The following EDN1 variants were observed in gnomAD, a reference collection of about 807,000 sequenced individuals.
The protein encoded by EDN1 is endothelin-1.
Under a neutral mutation model 21.7 loss-of-function variants are expected in EDN1, and 11 were observed. The observed-to-expected ratio is 0.51, with a 90% CI of 0.32 to 0.84. EDN1 has a LOEUF of 0.84. Among genes scored for constraint, EDN1 ranks in the 40% least tolerant of loss-of-function variants. EDN1 has a pLI of 0.03. For missense variants in EDN1, 244 were observed against 262.3 expected (o/e 0.93, Z 0.48); for synonymous variants, 85 against 90.6 (o/e 0.94, Z 0.35).
the EDN1 span, among the ~76,000 whole-genome samples, chr6:12,272,418 A>G: frequency 6.6e-6 from 1 of 151,812 alleles, no homozygotes; most frequent in Non-Finnish European, 1.5e-5. Context: ...CATACATGCA[A>G]AATAAGTTTA....
the EDN1 span, among the ~76,000 whole-genome samples, chr6:12,245,964 AG>A: frequency 6.6e-6 from 1 of 152,218 alleles, no homozygotes; most frequent in Admixed American, 6.5e-5. Flanking sequence ...GTGTGTCGTC[AG>A]TGAGTAATTG....
chr6:12,274,471 C>T, the EDN1 span, among the ~76,000 whole-genome samples: 7 of 152,098 alleles, frequency 4.6e-5, no homozygotes, highest in Non-Finnish European at 1.0e-4. Context: ...GAAAAAGTGG[C>T]CATTTATTTT....
chr6:12,285,453 A>G (rs1282681393), upstream of EDN1, among the ~76,000 whole-genome samples: 2 of 152,238 alleles, frequency 1.3e-5, no homozygotes, highest in Non-Finnish European at 2.9e-5. Context: ...GAATTGAAAC[A>G]GGGCTTAATT....
the EDN1 span, among the ~76,000 whole-genome samples, chr6:12,279,120 C>T: frequency 1.3e-5 from 2 of 152,182 alleles, no homozygotes; most frequent in Non-Finnish European, 1.5e-5. Flanking sequence ...TAGCCCTGAG[C>T]ATAACTTGTC....
chr6:12,269,190 A>C, the EDN1 span, among the ~76,000 whole-genome samples: 6 of 152,102 alleles, frequency 3.9e-5, no homozygotes, highest in African/African-American at 1.2e-4. Context: ...TGCATCCTGA[A>C]ACTTAAATGA....
At chr6:12,289,138 G>T (rs1447591885), upstream of EDN1, among the ~76,000 whole-genome samples, 1 of 152,176 alleles carries the variant, frequency 6.6e-6, no homozygotes, top group Non-Finnish European at 1.5e-5. Context: ...GTACTTCAGG[G>T]GGGGATTTCA....
chr6:12,290,142 C>T (rs1385169727), upstream of EDN1, among the ~76,000 whole-genome samples: 1 of 152,166 alleles, frequency 6.6e-6, no homozygotes, highest in Non-Finnish European at 1.5e-5. Flanking sequence ...TGGGTATTTT[C>T]TTTTTCTTAG....
the EDN1 span, among the ~76,000 whole-genome samples, chr6:12,244,323 C>T: frequency 6.6e-6 from 1 of 152,084 alleles, no homozygotes. Flanking sequence ...AATATTTGAC[C>T]TTTCAAATGT....
At chr6:12,251,683 C>G in the EDN1 span, among the ~76,000 whole-genome samples, 1 of 152,184 alleles carries the variant, frequency 6.6e-6, no homozygotes, top group Non-Finnish European at 1.5e-5. Context: ...CGAACCGATA[C>G]GGCCAGCTGG....
the EDN1 span, among the ~76,000 whole-genome samples, chr6:12,250,333 C>T: frequency 1.3e-4 from 20 of 152,252 alleles, no homozygotes; most frequent in African/African-American, 4.8e-4. Flanking sequence ...AATTGATACT[C>T]TGTCAATAAA....
rs529129353 is a variant in EDN1 at position 12,290,899 on chromosome 6, T to C, written c.64+206T>C. Reference sequence around the variant, plus strand: ...CTCTATTGAATACAATTAGGTGCAATTGACTATAACATGACATTAAAATAA... The same window carrying C: ...CTCTATTGAATACAATTAGGTGCAACTGACTATAACATGACATTAAAATAA... On this transcript the variant is annotated intron_variant, in intron 1 of 4. Coordinates refer to ENST00000379375, the MANE Select transcript of EDN1 (RefSeq NM_001955.5). 9.9e-5 allele frequency among the ~76,000 whole-genome samples: 15 copies of C among 151,628 alleles called. No individual in the cohort carries two copies. The East Asian group carries it at 2.1e-3, about 21-fold the overall frequency.
At chr6:12,292,608 T>C (rs1471047261) in intron 2 of EDN1, 99 bp downstream of exon 2, 2 of 1,392,464 alleles carry the variant, frequency 1.4e-6, no homozygotes, top group Non-Finnish European at 2.0e-6. Flanking sequence ...CTGAAGGTAG[T>C]CCTTCTAACA....
chr6:12,262,840 C>T, the EDN1 span, among the ~76,000 whole-genome samples: 1 of 150,300 alleles, frequency 6.7e-6, no homozygotes, highest in African/African-American at 2.5e-5. Context: ...CCATTGCACT[C>T]CAGTCTGGGT....
the EDN1 span, among the ~76,000 whole-genome samples, chr6:12,262,558 T>C: frequency 6.6e-6 from 1 of 152,146 alleles, no homozygotes; most frequent in African/African-American, 2.4e-5. Flanking sequence ...AAATGATTTA[T>C]GGTTTGTAAG....
the EDN1 span, among the ~76,000 whole-genome samples, chr6:12,255,167 G>C: frequency 6.6e-6 from 1 of 151,688 alleles, no homozygotes; most frequent in Non-Finnish European, 1.5e-5. Flanking sequence ...CAAAACTCTT[G>C]AATTGAATAG....
chr6:12,236,459 C>T, the EDN1 span, among the ~76,000 whole-genome samples: 1 of 152,058 alleles, frequency 6.6e-6, no homozygotes. Flanking sequence ...GGGGTTTTGC[C>T]ACGTTGGCTG....
In EDN1 at chr6:12,294,250, T is replaced by C. The variant is rs1253379065; in HGVS notation, c.390-11T>C. 5 of 1,614,040 alleles carry C rather than the reference T, an allele frequency of 3.1e-6. No homozygotes were observed. The highest frequency in any genetic ancestry group is 1.1e-5 in the South Asian group (1 of 91,074). On this transcript the variant is annotated splice_polypyrimidine_tract_variant and intron_variant, in intron 3 of 4. Coordinates refer to ENST00000379375, the MANE Select transcript of EDN1 (RefSeq NM_001955.5). ...CATTGCTGAAATGTTTTTCCTTGTG[T>C]ATTTTAACAGGGCTGAAGACATTAT...
rs1328245529 is a variant in EDN1, at chr6:12,296,028, C to CA, written c.601dup (p.Arg201LysfsTer51). 1.9e-6 allele frequency: 3 copies of CA among 1,614,066 alleles called. No individual in the cohort carries two copies. The South Asian group carries it at 3.3e-5, about 18-fold the overall frequency. On this transcript the variant is annotated frameshift_variant, in exon 5 of 5. Transcript: ENST00000379375. LOFTEE classifies it high-confidence loss of function. ...ATCCCAAGCTGAAAGGCAAGCCCTC[C>CA]AGAGAGCGTTATGTGACCCACAACC...
chr6:12,288,194 G>C (rs867328981), upstream of EDN1, among the ~76,000 whole-genome samples: 43 of 151,986 alleles, frequency 2.8e-4, no homozygotes, highest in African/African-American at 1.0e-3. Flanking sequence ...TTGAGAACAT[G>C]TTGGTCCTGA....
Sources: gnomAD v4.1 joint callset for allele counts (sites outside exome capture counted in the v4.1 genomes callset) on GRCh38, gnomAD v4.1.1 for gene constraint, MANE v1.5 for transcripts, NCBI Gene and HGNC (gene_info 2026-07-23, HGNC 2026-07-21) for gene names.